The following SYT1 variants were observed in gnomAD, a reference collection of about 807,000 sequenced individuals.
The protein encoded by SYT1 is synaptotagmin 1, also known as synaptotagmin-1.
Under a neutral mutation model 44.8 loss-of-function variants are expected in SYT1, and 8 were observed. The ratio of observed to expected loss-of-function variants is 0.18; its 90% CI spans 0.10 to 0.32. The LOEUF (loss-of-function observed/expected upper bound fraction) is 0.32, where lower values mean the gene tolerates loss of function less well. SYT1 is among the 10% of genes least tolerant of loss of function. The pLI is 1.00. For missense variants in SYT1, 286 were observed against 509.3 expected (o/e 0.56, Z 4.22); for synonymous variants, 154 against 188.8 (o/e 0.82, Z 1.51).
chr12:78,882,862 G>T (rs1265561209), intron 1 of SYT1, among the ~76,000 whole-genome samples: 2 of 151,514 alleles, frequency 1.3e-5, no homozygotes, highest in South Asian at 4.2e-4. Flanking sequence ...TCTGAATCAT[G>T]GCATCATAGA....
At chr12:78,924,722 T>C (rs961899597) in intron 1 of SYT1, among the ~76,000 whole-genome samples, 5 of 150,412 alleles carry the variant, frequency 3.3e-5, no homozygotes, top group African/African-American at 1.2e-4. Flanking sequence ...TTAAGGGAGC[T>C]CCTTCAAGCT....
intron 3 of SYT1, among the ~76,000 whole-genome samples, chr12:79,065,778 AT>A (rs1315526161): frequency 6.6e-6 from 1 of 152,100 alleles, no homozygotes. Flanking sequence ...TTTTATCATT[AT>A]TTTTTGTGCA....
chr12:79,432,009 A>G (rs1466892292), intron 9 of SYT1, among the ~76,000 whole-genome samples: 2 of 152,214 alleles, frequency 1.3e-5, no homozygotes, highest in East Asian at 3.8e-4. Flanking sequence ...GCTTTATGAA[A>G]GAGAATCACA....
intron 2 of SYT1, among the ~76,000 whole-genome samples, chr12:78,984,076 C>T (rs539231860): frequency 3.2e-4 from 48 of 151,698 alleles, no homozygotes; most frequent in African/African-American, 1.1e-3. Context: ...ATCAAGTGTG[C>T]CTTTATCTAG....
At chr12:79,033,581 T>C (rs1432916299) in intron 2 of SYT1, among the ~76,000 whole-genome samples, 1 of 151,370 alleles carries the variant, frequency 6.6e-6, no homozygotes, top group Admixed American at 6.6e-5. Flanking sequence ...CCTTTGGTCT[T>C]TTCTGTTTAT....
chr12:79,242,058 T>C (rs1876546348), intron 4 of SYT1, among the ~76,000 whole-genome samples: 1 of 152,218 alleles, frequency 6.6e-6, no homozygotes, highest in African/African-American at 2.4e-5. Context: ...AGAAACAGTA[T>C]GGCCTTCCAA....
intron 1 of SYT1, among the ~76,000 whole-genome samples, chr12:78,911,508 A>G (rs1249996957): frequency 7.8e-6 from 1 of 128,508 alleles, no homozygotes; most frequent in Non-Finnish European, 1.6e-5. Context: ...AAAATAAGGC[A>G]AATATGTGAG....
At chr12:79,165,920 A>C (rs1407108331) in intron 3 of SYT1, among the ~76,000 whole-genome samples, 2 of 152,022 alleles carry the variant, frequency 1.3e-5, no homozygotes, top group Non-Finnish European at 2.9e-5. Flanking sequence ...CATGGAATTC[A>C]ATTTTTTCTT....
At chr12:78,913,688 C>A (rs1236286577) in intron 1 of SYT1, among the ~76,000 whole-genome samples, 1 of 151,666 alleles carries the variant, frequency 6.6e-6, no homozygotes, top group African/African-American at 2.4e-5. Flanking sequence ...TTCTTTACAA[C>A]TTTTATTTGA....
In SYT1 at chr12:78,982,286, C is replaced by A. The variant is rs189858221; in HGVS notation, c.-84+4355C>A. Among the ~76,000 whole-genome samples the A allele has an allele frequency of 9.9e-5, 15 of 152,196 alleles. No homozygotes were observed. The East Asian group carries it at 2.5e-3, about 25-fold the overall frequency. On this transcript the variant is annotated intron_variant, in intron 2 of 10. Coordinates refer to ENST00000261205, the MANE Select transcript of SYT1 (RefSeq NM_005639.3). ...GGAAAAATGGCCCATAATTCTTCAT[C>A]AACTGTAATTTTCAGTGAAATAAAA...
chr12:79,039,485 T>C (rs1041159389), intron 2 of SYT1, among the ~76,000 whole-genome samples: 25 of 152,006 alleles, frequency 1.6e-4, no homozygotes, highest in Non-Finnish European at 3.4e-4. Context: ...AAGGCATTTA[T>C]ACATGCAAGA....
chr12:79,077,443 T>A (rs1039388030), intron 3 of SYT1, among the ~76,000 whole-genome samples: 1 of 152,168 alleles, frequency 6.6e-6, no homozygotes, highest in Non-Finnish European at 1.5e-5. Flanking sequence ...CCATTTCCTT[T>A]CCATTGTCTC....
intron 3 of SYT1, among the ~76,000 whole-genome samples, chr12:79,148,167 G>C (rs570013094): frequency 3.3e-5 from 5 of 152,136 alleles, no homozygotes; most frequent in African/African-American, 1.2e-4. Context: ...GAAAACATTA[G>C]GAGAAAAGAA....
intron 9 of SYT1, among the ~76,000 whole-genome samples, chr12:79,358,914 G>A (rs1444768777): frequency 6.6e-6 from 1 of 152,168 alleles, no homozygotes; most frequent in African/African-American, 2.4e-5. Context: ...TAGCTCCAGG[G>A]TGCCCCCTTT....
At chr12:79,201,285 T>G (rs1873769596) in intron 3 of SYT1, among the ~76,000 whole-genome samples, 1 of 152,168 alleles carries the variant, frequency 6.6e-6, no homozygotes, top group South Asian at 2.1e-4. Flanking sequence ...TCACAAATAA[T>G]CCTGAATAAT....
intron 9 of SYT1, among the ~76,000 whole-genome samples, chr12:79,430,913 G>C (rs970633791): frequency 6.6e-6 from 1 of 152,182 alleles, no homozygotes; most frequent in Admixed American, 6.5e-5. Flanking sequence ...GTCAAGCATG[G>C]GGATACAGAG....
chr12:79,068,967 GCTTAC>G (rs1172190123), intron 3 of SYT1, among the ~76,000 whole-genome samples: 1 of 152,098 alleles, frequency 6.6e-6, no homozygotes, highest in Non-Finnish European at 1.5e-5. Flanking sequence ...GATCAGTATA[GCTTAC>G]CTGTTTCCAT....
At chr12:79,291,679 C>G in intron 5 of SYT1, 1 of 433,654 alleles carries the variant, frequency 2.3e-6, no homozygotes, top group Non-Finnish European at 4.6e-6. Context: ...GCATGTTTAT[C>G]TTTCCTCTGA....
At chr12:79,203,353 G>A (rs1406309580) in intron 3 of SYT1, among the ~76,000 whole-genome samples, 1 of 152,080 alleles carries the variant, frequency 6.6e-6, no homozygotes, top group Non-Finnish European at 1.5e-5. Flanking sequence ...CTTACGACAT[G>A]GCTGCAAGCA....
Sources: gnomAD v4.1 joint callset for allele counts (sites outside exome capture counted in the v4.1 genomes callset) on GRCh38, gnomAD v4.1.1 for gene constraint, MANE v1.5 for transcripts, NCBI Gene and HGNC (gene_info 2026-07-23, HGNC 2026-07-21) for gene names.